SPATA17: variants seen among roughly 807,000 people sequenced by gnomAD.
The protein encoded by SPATA17 is spermatogenesis-associated protein 17.
Under a neutral mutation model 62.2 loss-of-function variants are expected in SPATA17, and 53 were observed. The observed-to-expected ratio is 0.85, with a 90% CI of 0.68 to 1.07. The LOEUF (loss-of-function observed/expected upper bound fraction) is 1.07, where lower values mean the gene tolerates loss of function less well. Among genes scored for constraint, SPATA17 ranks in the 50% least tolerant of loss-of-function variants. The pLI is 0.00. For missense variants in SPATA17, 466 were observed against 425.5 expected (o/e 1.10, Z -0.84); for synonymous variants, 146 against 146.8 (o/e 0.99, Z 0.04).
intron 7 of SPATA17, 132 bp downstream of exon 7, chr1:217,774,669 T>G: frequency 1.4e-6 from 1 of 733,316 alleles, no homozygotes; most frequent in Non-Finnish European, 2.2e-6. Context: ...ATTCATATTT[T>G]TGTGCAATCA....
At chr1:217,794,896 A>G (rs1256792462) in intron 8 of SPATA17, among the ~76,000 whole-genome samples, 4 of 152,324 alleles carry the variant, frequency 2.6e-5, no homozygotes, top group Admixed American at 1.3e-4. Flanking sequence ...CTTGAACTAG[A>G]TTTTGCTTGT....
intron 10 of SPATA17, among the ~76,000 whole-genome samples, chr1:217,863,250 G>C (rs1382510308): frequency 6.6e-6 from 1 of 150,860 alleles, no homozygotes; most frequent in Non-Finnish European, 1.5e-5. Flanking sequence ...AGCCTCCAGA[G>C]TGTCTGGGAC....
chr1:217,685,640 A>T (rs115285002), intron 5 of SPATA17, among the ~76,000 whole-genome samples: 3,882 of 152,270 alleles, frequency 0.025, 76 homozygotes, highest in Middle Eastern at 0.054. Context: ...CTATTAATAG[A>T]TGTACTAATA....
intron 6 of SPATA17, among the ~76,000 whole-genome samples, chr1:217,763,908 T>C (rs1210754923): frequency 6.6e-6 from 1 of 152,162 alleles, no homozygotes; most frequent in African/African-American, 2.4e-5. Context: ...TTTAAAAAAA[T>C]AGGCTTTATA....
chr1:217,835,448 A>G (rs994474242), intron 9 of SPATA17, among the ~76,000 whole-genome samples: 7 of 152,230 alleles, frequency 4.6e-5, no homozygotes, highest in African/African-American at 1.4e-4. Context: ...TAGCTGGCGT[A>G]TTTATCTATC....
intron 4 of SPATA17, among the ~76,000 whole-genome samples, chr1:217,675,193 T>C (rs878899185): frequency 6.6e-6 from 1 of 152,174 alleles, no homozygotes; most frequent in Non-Finnish European, 1.5e-5. Context: ...TTAGTAATGT[T>C]CCAAGAGTGA....
At chr1:217,801,684 C>A in intron 8 of SPATA17, 34 bp from the exon 9 acceptor site, 1 of 1,544,334 alleles carries the variant, frequency 6.5e-7, no homozygotes, top group Non-Finnish European at 8.8e-7. Flanking sequence ...CTCTAGAAAT[C>A]AAGTTAAGAA....
chr1:217,756,220 T>G (rs1673038406), intron 6 of SPATA17, among the ~76,000 whole-genome samples: 1 of 152,134 alleles, frequency 6.6e-6, no homozygotes, highest in Admixed American at 6.6e-5. Context: ...TTATTCACTC[T>G]TTTTTTAATG....
At chr1:217,700,307 T>C (rs1039747530) in intron 5 of SPATA17, among the ~76,000 whole-genome samples, 1 of 152,220 alleles carries the variant, frequency 6.6e-6, no homozygotes, top group Admixed American at 6.5e-5. Context: ...ATATTGTACA[T>C]GTGTGTTGTC....
chr1:217,814,777 G>T (rs1460497285), intron 9 of SPATA17, among the ~76,000 whole-genome samples: 1 of 152,090 alleles, frequency 6.6e-6, no homozygotes, highest in Non-Finnish European at 1.5e-5. Flanking sequence ...GAGCCCATGA[G>T]TTGGAGGCTG....
chr1:217,753,865 T>C (rs1043961397), intron 6 of SPATA17, among the ~76,000 whole-genome samples: 7 of 152,182 alleles, frequency 4.6e-5, no homozygotes, highest in Admixed American at 3.3e-4. Context: ...ATATTTTAAA[T>C]TGTATTGTAT....
At chr1:217,658,769 A>C (rs979876661) in intron 3 of SPATA17, among the ~76,000 whole-genome samples, 11 of 152,050 alleles carry the variant, frequency 7.2e-5, no homozygotes, top group African/African-American at 2.7e-4. Flanking sequence ...AAAAATCATA[A>C]TAATAATAAA....
intron 5 of SPATA17, among the ~76,000 whole-genome samples, chr1:217,700,760 T>C (rs1036262058): frequency 1.1e-5 from 1 of 87,484 alleles, no homozygotes; most frequent in African/African-American, 4.4e-5. Flanking sequence ...TTTTTTCTTT[T>C]TCTTTTTTTT....
At chr1:217,800,598 T>G (rs2102987232) in intron 8 of SPATA17, among the ~76,000 whole-genome samples, 1 of 152,310 alleles carries the variant, frequency 6.6e-6, no homozygotes, top group East Asian at 1.9e-4. Context: ...TGTTTTCAGC[T>G]TCATTCCTTC....
At chr1:217,851,944 T>G (rs1675676501) in intron 9 of SPATA17, among the ~76,000 whole-genome samples, 1 of 152,156 alleles carries the variant, frequency 6.6e-6, no homozygotes, top group South Asian at 2.1e-4. Context: ...TTCAGGAGTA[T>G]TTGCCTTTTC....
intron 7 of SPATA17, among the ~76,000 whole-genome samples, chr1:217,777,438 G>A (rs568763543): frequency 5.3e-5 from 8 of 151,986 alleles, no homozygotes; most frequent in Non-Finnish European, 8.8e-5. Flanking sequence ...GTCTCGCTGT[G>A]TTGCCCATGC....
At chr1:217,722,686 T>C (rs1258672138) in intron 5 of SPATA17, among the ~76,000 whole-genome samples, 3 of 152,220 alleles carry the variant, frequency 2.0e-5, no homozygotes, top group Non-Finnish European at 4.4e-5. Context: ...GTCTAAGGAC[T>C]CTGGAACTTA....
At chr1:217,758,558 G>A (rs1673100225) in intron 6 of SPATA17, among the ~76,000 whole-genome samples, 1 of 152,152 alleles carries the variant, frequency 6.6e-6, no homozygotes, top group Non-Finnish European at 1.5e-5. Context: ...TTTGGATTTT[G>A]TTAATCTGCC....
At position 217,795,794 on chromosome 1, in the gene SPATA17, CTATTTATT is replaced by C. The variant is rs534976254; in HGVS notation, c.873-5910_873-5903del. 3.7e-4 allele frequency among the ~76,000 whole-genome samples: 56 copies of C among 151,780 alleles called. No individual in the cohort carries two copies. The South Asian group carries it at 7.5e-3, about 20-fold the overall frequency. ...AGTTGTTTGTATTTCTTGACACCTTCTATTTATTTATTTATTTATTTTGAGACAGGGTC... is the reference window on the plus strand; with the variant it reads ...AGTTGTTTGTATTTCTTGACACCTTCTATTTATTTATTTTGAGACAGGGTC... On this transcript the variant is annotated intron_variant, in intron 8 of 10. Transcript: ENST00000366933.
Sources: allele counts gnomAD v4.1 joint callset (sites outside exome capture counted in the v4.1 genomes callset), GRCh38; gene constraint gnomAD v4.1.1; transcripts MANE v1.5; gene names NCBI Gene and HGNC (gene_info 2026-07-23, HGNC 2026-07-21).